Variants in NPAS3 observed in about 807,000 individuals in gnomAD.
NPAS3 encodes neuronal PAS domain-containing protein 3.
In NPAS3, 14 loss-of-function variants were observed where a neutral mutation model predicts 73.1. That is an observed-to-expected ratio of 0.19 (90% confidence interval 0.13 to 0.30). The LOEUF (loss-of-function observed/expected upper bound fraction) is 0.30. Among genes scored for constraint, NPAS3 ranks in the 10% least tolerant of loss-of-function variants. NPAS3 has a pLI of 1.00. For missense variants in NPAS3, 1,096 were observed against 1,250.0 expected, an observed-to-expected ratio of 0.88 and a Z score of 1.86; for synonymous variants, 620 against 541.5, an observed-to-expected ratio of 1.14 and a Z score of -2.01.
Position 33,415,540 on chromosome 14 carries a change from T to C in NPAS3, c.468+48272T>C, listed in dbSNP as rs185951771. 2.0e-5 allele frequency among the ~76,000 whole-genome samples: 3 copies of C among 152,236 alleles called. No individual in the cohort carries two copies. The East Asian group carries it at 5.8e-4, about 29-fold the overall frequency. ...CTTCTCCCAGTAGTTGGTATGTAAA[T>C]TGCCCTATATGTAAATCACATGCAC... On this transcript the variant is annotated intron_variant, in intron 4 of 11. Transcript: ENST00000356141.
intron 2 of NPAS3, among the ~76,000 whole-genome samples, chr14:33,083,994 A>G (rs1035062923): frequency 2.0e-5 from 3 of 152,146 alleles, no homozygotes; most frequent in African/African-American, 7.2e-5. Flanking sequence ...TCTCAGGGTA[A>G]TCCCAAATGA....
intron 2 of NPAS3, among the ~76,000 whole-genome samples, chr14:33,207,674 C>T (rs1438141091): frequency 2.0e-5 from 3 of 152,150 alleles, no homozygotes; most frequent in African/African-American, 7.2e-5. Context: ...GGACAATGCT[C>T]TCAGACAGAA....
intron 3 of NPAS3, among the ~76,000 whole-genome samples, chr14:33,364,833 G>T (rs1025361451): frequency 6.6e-6 from 1 of 151,822 alleles, no homozygotes; most frequent in Admixed American, 6.6e-5. Context: ...CATTTGAGCA[G>T]CTTTATGTTG....
intron 2 of NPAS3, among the ~76,000 whole-genome samples, chr14:33,088,333 C>G (rs1487260096): frequency 6.6e-6 from 1 of 152,192 alleles, no homozygotes; most frequent in Non-Finnish European, 1.5e-5. Flanking sequence ...CGGGTCACTC[C>G]CACCATAATA....
chr14:33,778,926 TCAAAGTACACATGG>T, intron 9 of NPAS3, among the ~76,000 whole-genome samples: 1 of 152,174 alleles, frequency 6.6e-6, no homozygotes, highest in Non-Finnish European at 1.5e-5. Context: ...GGTCTCAGTT[TCAAAGTACACATGG>T]GAGAAGACAA....
intron 2 of NPAS3, among the ~76,000 whole-genome samples, chr14:33,076,572 C>T (rs1485686560): frequency 5.9e-5 from 9 of 152,164 alleles, no homozygotes; most frequent in Non-Finnish European, 1.0e-4. Context: ...CTTAGCTCAA[C>T]GGAGCAGCAA....
intron 1 of NPAS3, among the ~76,000 whole-genome samples, chr14:32,967,013 CACT>C (rs766796696): frequency 5.3e-5 from 8 of 152,216 alleles, no homozygotes; most frequent in Non-Finnish European, 1.2e-4. Context: ...AGAAGATATT[CACT>C]ACTATGCATC....
intron 3 of NPAS3, among the ~76,000 whole-genome samples, chr14:33,289,898 C>T (rs1361617088): frequency 6.6e-6 from 1 of 151,906 alleles, no homozygotes; most frequent in Non-Finnish European, 1.5e-5. Context: ...TGGTATTTCC[C>T]ATCAAAATGC....
intron 3 of NPAS3, among the ~76,000 whole-genome samples, chr14:33,253,077 A>C (rs1217102509): frequency 6.6e-6 from 1 of 152,084 alleles, no homozygotes; most frequent in Non-Finnish European, 1.5e-5. Context: ...TAGTGCTGCG[A>C]TGAACATAAG....
intron 2 of NPAS3, among the ~76,000 whole-genome samples, chr14:33,136,084 A>G (rs1398895468): frequency 3.6e-5 from 5 of 138,032 alleles, no homozygotes; most frequent in Non-Finnish European, 7.7e-5. Context: ...TTTTTGAGAC[A>G]GAGTCTCGCT....
intron 4 of NPAS3, among the ~76,000 whole-genome samples, chr14:33,407,913 T>C (rs1249946010): frequency 6.6e-6 from 1 of 152,146 alleles, no homozygotes; most frequent in Non-Finnish European, 1.5e-5. Flanking sequence ...TAGCCTCCAA[T>C]AATTCTCTCA....
At chr14:33,495,348 T>G (rs965871753) in intron 4 of NPAS3, among the ~76,000 whole-genome samples, 4 of 152,028 alleles carry the variant, frequency 2.6e-5, no homozygotes, top group African/African-American at 9.7e-5. Context: ...GAGACTGTTA[T>G]GATTTCCATT....
At chr14:33,228,367 T>C (rs1193119322) in intron 3 of NPAS3, among the ~76,000 whole-genome samples, 1 of 152,270 alleles carries the variant, frequency 6.6e-6, no homozygotes, top group Admixed American at 6.5e-5. Flanking sequence ...AGAAGTTGAT[T>C]TTATAAACTG....
At position 33,255,477 on chromosome 14, in the gene NPAS3, T is replaced by G. The variant is rs146125421; in HGVS notation, c.385+40051T>G. ...CAACCCGGACTAGAGTATTTATAAA[T>G]CCTGGACTATTTGAGCTGGAGAGAC... On this transcript the variant is annotated intron_variant, in intron 3 of 11. Transcript: ENST00000356141. Among the ~76,000 whole-genome samples the G allele has an allele frequency of 3.3e-5, 5 of 152,280 alleles. No homozygotes were observed. In the East Asian group the frequency reaches 7.7e-4, roughly 23 times the overall value.
At chr14:33,556,493 A>C (rs144183514) in intron 4 of NPAS3, among the ~76,000 whole-genome samples, 2 of 152,210 alleles carry the variant, frequency 1.3e-5, no homozygotes, top group Non-Finnish European at 1.5e-5. Flanking sequence ...AGCACTGAGC[A>C]TGGAGGTAGA....
chr14:33,033,448 C>A (rs1314632944), intron 1 of NPAS3, among the ~76,000 whole-genome samples: 1 of 152,072 alleles, frequency 6.6e-6, no homozygotes, highest in African/African-American at 2.4e-5. Context: ...CACTGCACTC[C>A]AGCCTGGGCA....
intron 3 of NPAS3, among the ~76,000 whole-genome samples, chr14:33,354,115 G>A (rs1272406303): frequency 6.6e-6 from 1 of 152,100 alleles, no homozygotes; most frequent in Non-Finnish European, 1.5e-5. Context: ...TTTCATCTAT[G>A]TCTCATGGCT....
intron 5 of NPAS3, chr14:33,611,238 T>C (rs1360348891): frequency 6.6e-6 from 1 of 151,690 alleles, no homozygotes; most frequent in Non-Finnish European, 1.5e-5. Context: ...CACATGTTAA[T>C]AGGTTTTGTA....
At chr14:33,650,998 G>A (rs1349001490) in intron 5 of NPAS3, among the ~76,000 whole-genome samples, 1 of 152,194 alleles carries the variant, frequency 6.6e-6, no homozygotes, top group African/African-American at 2.4e-5. Context: ...CTTGGCAAGA[G>A]AAAAGGAAAA....
Sources: allele counts gnomAD v4.1 joint callset (sites outside exome capture counted in the v4.1 genomes callset), GRCh38; gene constraint gnomAD v4.1.1; transcripts MANE v1.5; gene names NCBI Gene and HGNC (gene_info 2026-07-23, HGNC 2026-07-21).